CYP27C1: variants seen among roughly 807,000 people sequenced by gnomAD.
CYP27C1 encodes cytochrome P450 27C1.
A neutral mutation model predicts 40.6 loss-of-function variants in CYP27C1; 29 were observed. That is an observed-to-expected ratio of 0.71 (90% confidence interval 0.53 to 0.97). The LOEUF is 0.97. Among genes scored for constraint, CYP27C1 ranks in the 50% least tolerant of loss-of-function variants. CYP27C1 has a pLI of 0.00. For synonymous variants in CYP27C1, 198 were observed against 186.8 expected, an observed-to-expected ratio of 1.06 and a Z score of -0.49; for missense variants, 390 against 485.8, an observed-to-expected ratio of 0.80 and a Z score of 1.85.
chr2:127,215,636 A>G (rs1377017171), intron 1 of CYP27C1, among the ~76,000 whole-genome samples: 1 of 152,204 alleles, frequency 6.6e-6, no homozygotes, highest in Non-Finnish European at 1.5e-5. Context: ...CTGGGAGGCC[A>G]AGGCAGGTGG....
chr2:127,208,520 G>C lies in CYP27C1; in HGVS notation c.283-2430C>G, dbSNP rs1200759969. Among the ~76,000 whole-genome samples, 2 of 152,216 alleles carry C rather than the reference G, an allele frequency of 1.3e-5. No individual in the cohort carries two copies. The highest frequency in any genetic ancestry group is 1.9e-4 in the East Asian group (1 of 5,202). On this transcript the variant is annotated intron_variant, in intron 1 of 8. Coordinates refer to ENST00000664447, the MANE Select transcript of CYP27C1 (RefSeq NM_001367502.1). This position sits in a 1 kb window ranked among gnomAD's most constrained non-coding sequence, Gnocchi z 5.2. ...GGGATGGGCGACCAGCACCAGCTGCGGCTGCCTGCTGTCTAAGTAATTTGA... is the reference window on the plus strand; with the variant it reads ...GGGATGGGCGACCAGCACCAGCTGCCGCTGCCTGCTGTCTAAGTAATTTGA...
rs1322035657 is a variant in CYP27C1, at chr2:127,200,136, C to T, written c.884-597G>A. 6.6e-6 allele frequency among the ~76,000 whole-genome samples: 1 copy of T among 152,194 alleles called. No individual in the cohort carries two copies. Among genetic ancestry groups the T allele is most frequent in the Non-Finnish European group, 1.5e-5 (1 of 68,032 alleles). On this transcript the variant is annotated intron_variant, in intron 4 of 8. Coordinates refer to ENST00000664447, the MANE Select transcript of CYP27C1 (RefSeq NM_001367502.1). This position sits in a 1 kb window ranked among gnomAD's most constrained non-coding sequence, Gnocchi z 4.2. Reference sequence around the variant, plus strand: ...CTGGAATTACAGGCACGCGCCACCACGCCCAGCTAATTTTTGTATTTTTAG... The same window carrying T: ...CTGGAATTACAGGCACGCGCCACCATGCCCAGCTAATTTTTGTATTTTTAG...
Position 127,200,936 on chromosome 2 carries a change from A to G in CYP27C1, c.883+186T>C, listed in dbSNP as rs542380837. Among the ~76,000 whole-genome samples the G allele has an allele frequency of 6.6e-6, 1 of 151,882 alleles. No homozygotes were observed. Among genetic ancestry groups the G allele is most frequent in the Non-Finnish European group, 1.5e-5 (1 of 67,950 alleles). ...TGAGATCACACCACTGCACTCCAGC[A>G]TGGGCGACAGAGCCAGACTCCGTCT... On this transcript the variant is annotated intron_variant, in intron 4 of 8. Transcript: ENST00000664447. This position sits in a 1 kb window ranked among gnomAD's most constrained non-coding sequence, Gnocchi z 4.2.
intron 3 of CYP27C1, among the ~76,000 whole-genome samples, chr2:127,202,128 C>CTTTT (rs1336482727): frequency 7.2e-6 from 1 of 138,508 alleles, no homozygotes; most frequent in Non-Finnish European, 1.6e-5. Flanking sequence ...GACCAACATG[C>CTTTT]TTTTTTTTTT....
chr2:127,195,953 C>T lies in CYP27C1; in HGVS notation c.1048-452G>A, dbSNP rs1682894734. On this transcript the variant is annotated intron_variant, in intron 5 of 8. Coordinates refer to ENST00000664447, the MANE Select transcript of CYP27C1 (RefSeq NM_001367502.1). This position sits in a 1 kb window ranked among gnomAD's most constrained non-coding sequence, Gnocchi z 6.2. ...CTGGGCCCGGCCCACTCTGGCTGCC[C>T]TAATCTAGAGATTGGAGTGCACAGG... Among the ~76,000 whole-genome samples the T allele has an allele frequency of 6.6e-6, 1 of 152,184 alleles. No homozygotes were observed. The highest frequency in any genetic ancestry group is 2.4e-5 in the African/African-American group (1 of 41,442).
chr2:127,204,551 G>C (rs866756945), intron 2 of CYP27C1, among the ~76,000 whole-genome samples: 2 of 51,244 alleles, frequency 3.9e-5, no homozygotes, highest in African/African-American at 1.4e-4. Flanking sequence ...GAGAGAGAGA[G>C]AGAGAGAAAG....
At position 127,184,422 on chromosome 2, in the gene CYP27C1, G is replaced by GT. The variant is rs1449455555; in HGVS notation, c.*2848dup. The GT allele has an allele frequency of 1.3e-5, 2 of 149,420 alleles. No homozygotes were observed. Among genetic ancestry groups the GT allele is most frequent in the Non-Finnish European group, 1.5e-5 (1 of 67,368 alleles). 9.3% of individuals were successfully genotyped at this position (149,420 alleles called of 1,614,324 possible). On this transcript the variant is annotated 3_prime_UTR_variant, in exon 9 of 9. Transcript: ENST00000664447. ...GTTTTTTTTTTGCTTTTTGGTTTTT[G>GT]TTTTTTTTAGATACGGAGTTTCGTT...
rs1391544127 is a variant in CYP27C1 at position 127,184,080 on chromosome 2, C to A, written c.*3191G>T. On this transcript the variant is annotated 3_prime_UTR_variant, in exon 9 of 9. Coordinates refer to ENST00000664447, the MANE Select transcript of CYP27C1 (RefSeq NM_001367502.1). ...ACATTTCAGCCATAAACATTTATATCTTTAAGAGCTATCTCCAAGAGATAA... is the reference window on the plus strand; with the variant it reads ...ACATTTCAGCCATAAACATTTATATATTTAAGAGCTATCTCCAAGAGATAA... 1 of 152,202 alleles carries A rather than the reference C, an allele frequency of 6.6e-6. No homozygotes were observed. The highest frequency in any genetic ancestry group is 2.4e-5 in the African/African-American group (1 of 41,414). The allele number at this position is 152,202 out of a possible 1,614,324, so 9.4% of individuals were successfully genotyped here.
chr2:127,203,165 C>G (rs1683081186), intron 3 of CYP27C1, among the ~76,000 whole-genome samples: 1 of 141,132 alleles, frequency 7.1e-6, no homozygotes, highest in Admixed American at 7.1e-5. Flanking sequence ...AAGACTTCAT[C>G]TCAGAAAAAA....
chr2:127,197,331 G>T (rs1455136787), intron 5 of CYP27C1, among the ~76,000 whole-genome samples: 3 of 152,096 alleles, frequency 2.0e-5, no homozygotes, highest in Admixed American at 6.5e-5. Context: ...GTGTGGGTTT[G>T]TTTTTGTTTT....
rs374681122 is a variant in CYP27C1, at chr2:127,209,391, ACT to A, written c.283-3303_283-3302del. ...CAGCCTCAAGACTGAAACTAGACAA[ACT>A]CACAGAGATGAGAAATAATCAACAA... On this transcript the variant is annotated intron_variant, in intron 1 of 8. Coordinates refer to ENST00000664447, the MANE Select transcript of CYP27C1 (RefSeq NM_001367502.1). The surrounding 1 kb of genome is among the most constrained non-coding windows in gnomAD (Gnocchi z 4.1). Among the ~76,000 whole-genome samples the A allele has an allele frequency of 2.0e-5, 3 of 152,250 alleles. No homozygotes were observed. The highest frequency in any genetic ancestry group is 7.2e-5 in the African/African-American group (3 of 41,544).
At chr2:127,198,904 TAC>T (rs1434991432) in intron 5 of CYP27C1, among the ~76,000 whole-genome samples, 1 of 152,214 alleles carries the variant, frequency 6.6e-6, no homozygotes. Flanking sequence ...CGTGACTGCA[TAC>T]ACAGAGTTTT....
At position 127,203,470 on chromosome 2, in the gene CYP27C1, G is replaced by T. The variant is rs1298878751; in HGVS notation, c.575C>A (p.Ala192Asp). 7.4e-6 allele frequency: 12 copies of T among 1,613,804 alleles called. No individual in the cohort carries two copies. Among genetic ancestry groups the T allele is most frequent in the Non-Finnish European group, 1.0e-5 (12 of 1,179,974 alleles). ...GAGGTAGATTCTTTTAATTAAGTCAGCAATAACTTGGTTGACTTCTCCAGA... is the reference window on the plus strand; with the variant it reads ...GAGGTAGATTCTTTTAATTAAGTCATCAATAACTTGGTTGACTTCTCCAGA... ...IYSGEVNQVI[A>D]DLIKRIYLLR... Residue 192 changes from alanine to aspartate, a missense_variant, in exon 3 of 9, where the codon GCT (alanine) becomes GAT (aspartate). Transcript: ENST00000664447.
At position 127,193,318 on chromosome 2, in the gene CYP27C1, A is replaced by AGAAAAGG. The variant is rs1184337151; in HGVS notation, c.1294-28_1294-22dup. On this transcript the variant is annotated intron_variant, in intron 7 of 8. Transcript: ENST00000664447. ...TGGGTCTGAGGAAATCAGGGATGAC[A>AGAAAAGG]GAAAAGGGAAAAGGGGCAGAATCAC... 7 of 1,613,582 alleles carry AGAAAAGG rather than the reference A, an allele frequency of 4.3e-6. No homozygotes were observed. In the Admixed American group the frequency reaches 8.3e-5, roughly 19 times the overall value.
chr2:127,190,289 G>C (rs1682734645), intron 8 of CYP27C1, among the ~76,000 whole-genome samples: 1 of 147,428 alleles, frequency 6.8e-6, no homozygotes, highest in African/African-American at 2.5e-5. Context: ...TGTCTATACA[G>C]TTGTGCCTTC....
intron 5 of CYP27C1, among the ~76,000 whole-genome samples, chr2:127,197,643 CCAG>C (rs1330180062): frequency 2.0e-5 from 3 of 152,200 alleles, no homozygotes; most frequent in Non-Finnish European, 4.4e-5. Flanking sequence ...CACCCGACCA[CCAG>C]CAGCACCCCA....
chr2:127,205,725 G>A (rs1458362722), intron 2 of CYP27C1, 175 bp downstream of exon 2: 1 of 985,424 alleles, frequency 1.0e-6, no homozygotes, highest in African/African-American at 1.7e-5. Flanking sequence ...GAGCCAGAAA[G>A]CCCAGCAGGG....
At position 127,201,359 on chromosome 2, in the gene CYP27C1, C is replaced by T. The variant is rs565442693; in HGVS notation, c.674-28G>A. ...AGACAGGAAAGAGAATTTGAAAACC[C>T]TCTTCTAGATTATTTACCATACCAA... On this transcript the variant is annotated intron_variant, in intron 3 of 8. Transcript: ENST00000664447. This position sits in a 1 kb window ranked among gnomAD's most constrained non-coding sequence, Gnocchi z 6.0. 13 of 1,600,716 alleles carry T rather than the reference C, an allele frequency of 8.1e-6. No homozygotes were observed. The South Asian group carries it at 1.1e-4, about 14-fold the overall frequency.
At chr2:127,199,962 T>C (rs1682994552) in intron 4 of CYP27C1, among the ~76,000 whole-genome samples, 2 of 152,208 alleles carry the variant, frequency 1.3e-5, no homozygotes, top group Admixed American at 1.3e-4. Context: ...AGGACTTCTA[T>C]ATTCAAATAA....
Sources: gnomAD v4.1 joint callset for allele counts (sites outside exome capture counted in the v4.1 genomes callset) on GRCh38, gnomAD v4.1.1 for gene constraint, Gnocchi (gnomAD v3.1) non-coding constraint, MANE v1.5 for transcripts, NCBI Gene and HGNC (gene_info 2026-07-23, HGNC 2026-07-21) for gene names.